The following ARHGEF12 variants were observed in gnomAD, a reference collection of about 807,000 sequenced individuals.
The protein encoded by ARHGEF12 is KMT2A/ARHGEF12 fusion protein.
In ARHGEF12, 66 loss-of-function variants were observed where a neutral mutation model predicts 211.2. The observed-to-expected ratio is 0.31, with a 90% CI of 0.26 to 0.38. ARHGEF12 has a LOEUF of 0.38. Ranked by LOEUF, ARHGEF12 falls within the 10% of genes least tolerant of loss-of-function variation. ARHGEF12 has a pLI of 1.00. For synonymous variants in ARHGEF12, 592 were observed against 638.4 expected, an observed-to-expected ratio of 0.93 and a Z score of 1.09; for missense variants, 1,429 against 1,869.5, an observed-to-expected ratio of 0.76 and a Z score of 4.34.
At position 120,447,926 on chromosome 11, in the gene ARHGEF12, T is replaced by TC; in HGVS notation, c.1622+24dup. 1 of 1,543,770 alleles carries TC rather than the reference T, an allele frequency of 6.5e-7. No individual in the cohort carries two copies. The highest frequency in any genetic ancestry group is 8.7e-7 in the Non-Finnish European group (1 of 1,146,472). ...TAAGAGGTAACATAACTGTTTTTTT[T>TC]CCCCTAGAATTTTAAGAAAAAAAGA... On this transcript the variant is annotated intron_variant, in intron 19 of 40. Coordinates refer to ENST00000397843, the MANE Select transcript of ARHGEF12 (RefSeq NM_015313.3).
chr11:120,484,375 A>T, intron 39 of ARHGEF12, 63 bp from the exon 40 acceptor site: 4 of 1,462,636 alleles, frequency 2.7e-6, no homozygotes, highest in Non-Finnish European at 3.8e-6. Context: ...CTGTTTTCTG[A>T]AGTTTTTGTT....
intron 2 of ARHGEF12, among the ~76,000 whole-genome samples, chr11:120,406,926 C>T (rs1450818349): frequency 1.3e-5 from 2 of 152,170 alleles, no homozygotes; most frequent in South Asian, 2.1e-4. Flanking sequence ...TGCCTATATC[C>T]ATGTCTATAT....
rs1947443091 is a variant in ARHGEF12, at chr11:120,488,152, A to G, written c.*3075A>G. ...ATTATTTTTAGAAGCTAAAGAAAGTAATTATGCTTCCTGTGAATTGTCTTT... is the reference window on the plus strand; with the variant it reads ...ATTATTTTTAGAAGCTAAAGAAAGTGATTATGCTTCCTGTGAATTGTCTTT... On this transcript the variant is annotated 3_prime_UTR_variant, in exon 41 of 41. Coordinates refer to ENST00000397843, the MANE Select transcript of ARHGEF12 (RefSeq NM_015313.3). 4.6e-6 allele frequency: 1 copy of G among 217,150 alleles called. No homozygotes were observed. Among genetic ancestry groups the G allele is most frequent in the Non-Finnish European group, 9.3e-6 (1 of 107,930 alleles). 13.5% of individuals were successfully genotyped at this position (217,150 alleles called of 1,614,324 possible). A position where few individuals can be genotyped will look rare whatever the true frequency, so the allele number is the denominator to read the frequency against.
intron 1 of ARHGEF12, among the ~76,000 whole-genome samples, chr11:120,357,358 A>G (rs1943158548): frequency 6.6e-6 from 1 of 152,176 alleles, no homozygotes; most frequent in Admixed American, 6.5e-5. Context: ...TGAATCAGAT[A>G]CTGTTTCTGC....
intron 18 of ARHGEF12, 96 bp downstream of exon 18, chr11:120,447,181 T>A: frequency 7.2e-7 from 1 of 1,395,674 alleles, no homozygotes; most frequent in Non-Finnish European, 9.6e-7. Context: ...ACTGTCAGAT[T>A]GTGTATGTGG....
At chr11:120,359,131 A>C (rs1943210492) in intron 1 of ARHGEF12, among the ~76,000 whole-genome samples, 1 of 152,138 alleles carries the variant, frequency 6.6e-6, no homozygotes, top group African/African-American at 2.4e-5. Flanking sequence ...CAAAAGTCAC[A>C]CTACATCATT....
chr11:120,384,895 T>C (rs1348099808), intron 1 of ARHGEF12, among the ~76,000 whole-genome samples: 1 of 142,678 alleles, frequency 7.0e-6, no homozygotes, highest in African/African-American at 2.7e-5. Flanking sequence ...TTTTTTTTTT[T>C]GTAAATCCTA....
intron 5 of ARHGEF12, among the ~76,000 whole-genome samples, chr11:120,421,371 A>G (rs1653048290): frequency 1.3e-5 from 2 of 151,772 alleles, no homozygotes; most frequent in Admixed American, 6.6e-5. Flanking sequence ...GTCCAAGGTC[A>G]CACAACTAGT....
intron 1 of ARHGEF12, 153 bp downstream of exon 1, chr11:120,337,428 C>G (rs1210970702): frequency 5.1e-6 from 5 of 984,326 alleles, no homozygotes; most frequent in African/African-American, 1.7e-5. Context: ...GGGTTGCTGC[C>G]GAGTTATCCA....
chr11:120,489,280 A>G lies in ARHGEF12; in HGVS notation c.*4203A>G, dbSNP rs146126091. ...CTTTATTGAGATATTCACATATCAT[A>G]TAATTCATCCATTTAAAGTGTATAA... is the stretch of plus-strand genomic sequence containing the variant. On this transcript the variant is annotated 3_prime_UTR_variant, in exon 41 of 41. Transcript: ENST00000397843. The G allele has an allele frequency of 2.0e-3, 448 of 226,868 alleles. 1 individual carries two copies. Among genetic ancestry groups the G allele is most frequent in the African/African-American group, 9.2e-3 (416 of 45,066 alleles). 14.1% of individuals were successfully genotyped at this position (226,868 alleles called of 1,614,324 possible). A position where few individuals can be genotyped will look rare whatever the true frequency, so the allele number is the denominator to read the frequency against.
chr11:120,396,544 A>G (rs1438042234), intron 1 of ARHGEF12, among the ~76,000 whole-genome samples: 1 of 152,204 alleles, frequency 6.6e-6, no homozygotes, highest in African/African-American at 2.4e-5. Context: ...TGGTATTCCA[A>G]AAATAGACCC....
intron 1 of ARHGEF12, among the ~76,000 whole-genome samples, chr11:120,391,028 ATTG>A (rs1944200274): frequency 6.6e-6 from 1 of 152,210 alleles, no homozygotes; most frequent in African/African-American, 2.4e-5. Flanking sequence ...ATTGTTAATT[ATTG>A]TTCTTATAGA....
intron 40 of ARHGEF12, 26 bp from the exon 41 acceptor site, chr11:120,485,041 T>C (rs556114178): frequency 6.2e-7 from 1 of 1,610,414 alleles, no homozygotes; most frequent in Admixed American, 1.7e-5. Flanking sequence ...CTTAATATCA[T>C]TTCCATGTAT....
chr11:120,354,877 C>T (rs542154381), intron 1 of ARHGEF12, among the ~76,000 whole-genome samples: 1 of 152,182 alleles, frequency 6.6e-6, no homozygotes, highest in East Asian at 1.9e-4. Context: ...CTTTATAGCC[C>T]TTAGGGAGAT....
chr11:120,360,243 T>TATC (rs1943242565), intron 1 of ARHGEF12, among the ~76,000 whole-genome samples: 1 of 152,156 alleles, frequency 6.6e-6, no homozygotes, highest in Non-Finnish European at 1.5e-5. Flanking sequence ...ATTAGAGTAG[T>TATC]CTTGAATACA....
intron 1 of ARHGEF12, among the ~76,000 whole-genome samples, chr11:120,399,091 G>A (rs1944472879): frequency 6.6e-6 from 1 of 151,812 alleles, no homozygotes. Flanking sequence ...GAGGCTTGAG[G>A]ATTGCTTGAG....
At chr11:120,449,266 A>T in intron 21 of ARHGEF12, 52 bp downstream of exon 21, 1 of 1,381,624 alleles carries the variant, frequency 7.2e-7, no homozygotes, top group Non-Finnish European at 1.0e-6. Context: ...CCCTCTTCAC[A>T]TCAGAGGCTT....
intron 1 of ARHGEF12, among the ~76,000 whole-genome samples, chr11:120,352,333 A>T (rs969055481): frequency 2.0e-5 from 3 of 152,158 alleles, no homozygotes; most frequent in African/African-American, 7.2e-5. Context: ...AATTATTTTA[A>T]AGTCCTTTTA....
intron 22 of ARHGEF12, among the ~76,000 whole-genome samples, chr11:120,455,866 G>C (rs1044380784): frequency 1.3e-5 from 2 of 152,096 alleles, no homozygotes; most frequent in Non-Finnish European, 2.9e-5. Flanking sequence ...GAAATGTTAA[G>C]AAAAACAGAA....
Sources: gnomAD v4.1 joint callset for allele counts (sites outside exome capture counted in the v4.1 genomes callset) on GRCh38, gnomAD v4.1.1 for gene constraint, MANE v1.5 for transcripts, NCBI Gene and HGNC (gene_info 2026-07-23, HGNC 2026-07-21) for gene names.